STX19: variants seen among roughly 807,000 people sequenced by gnomAD.
STX19 encodes syntaxin-19.
A neutral mutation model predicts 24.3 loss-of-function variants in STX19; 26 were observed. The ratio of observed to expected loss-of-function variants is 1.07; its 90% confidence interval spans 0.78 to 1.48. The LOEUF (loss-of-function observed/expected upper bound fraction) is 1.48. STX19 is among the 40% of genes most tolerant of loss of function. The pLI is 0.00. For synonymous variants in STX19, 116 were observed against 106.9 expected (o/e 1.09, Z -0.52); for missense variants, 367 against 331.9 (o/e 1.11, Z -0.82).
intron 1 of STX19, among the ~76,000 whole-genome samples, chr3:94,026,638 A>G (rs1324446933): frequency 6.6e-6 from 1 of 152,338 alleles, no homozygotes; most frequent in East Asian, 1.9e-4. Context: ...TCATATAAGC[A>G]TAAAATATGA....
At position 94,017,844 on chromosome 3, in the gene STX19, C is replaced by T. The variant is rs1361504668; in HGVS notation, c.-13-2562G>A. Among the ~76,000 whole-genome samples the T allele has an allele frequency of 3.3e-5, 5 of 151,860 alleles. No individual in the cohort carries two copies. In the East Asian group the frequency reaches 9.7e-4, roughly 29 times the overall value. ...GAATGAGACTGATATGTTTTAGGAA[C>T]AGAGTTATTGCATAAGAACAAAGTG... On this transcript the variant is annotated intron_variant, in intron 1 of 1. Transcript: ENST00000315099.
At chr3:94,023,788 G>A (rs996667273) in intron 1 of STX19, among the ~76,000 whole-genome samples, 3 of 151,826 alleles carry the variant, frequency 2.0e-5, no homozygotes, top group African/African-American at 7.3e-5. Context: ...ATCAAATACT[G>A]TATTATGTTA....
At chr3:94,018,418 C>G (rs1332350349) in intron 1 of STX19, among the ~76,000 whole-genome samples, 1 of 152,122 alleles carries the variant, frequency 6.6e-6, no homozygotes, top group Non-Finnish European at 1.5e-5. Context: ...AAAAGTATTT[C>G]TCCTGTTTTT....
rs556745116 is a variant in STX19, at chr3:94,014,947, C to G, written c.323G>C (p.Ser108Thr). ...IKIQAEYINR[S>T]LNDLVKEVKK... ...AACTTCTTTAACTAAATCATTCAAACTTCTGTTGATGTATTCTGCCTGAAT... is the reference window on the plus strand; with the variant it reads ...AACTTCTTTAACTAAATCATTCAAAGTTCTGTTGATGTATTCTGCCTGAAT... Residue 108 changes from serine (S) to threonine (T), a missense_variant, in exon 2 of 2, where the codon AGT becomes ACT. Ser to Thr is a moderately conservative substitution (Grantham distance 58). Coordinates refer to ENST00000315099, the MANE Select transcript of STX19 (RefSeq NM_001001850.3). The G allele has an allele frequency of 6.2e-7, 1 of 1,613,800 alleles. No homozygotes were observed. Among genetic ancestry groups the G allele is most frequent in the African/African-American group, 1.3e-5 (1 of 74,918 alleles).
At chr3:94,022,200 T>C (rs2076463116) in intron 1 of STX19, among the ~76,000 whole-genome samples, 1 of 152,144 alleles carries the variant, frequency 6.6e-6, no homozygotes, top group African/African-American at 2.4e-5. Flanking sequence ...CTCAGTTCAC[T>C]GCAACCTCCT....
chr3:94,027,558 C>T (rs1375151007), intron 1 of STX19, among the ~76,000 whole-genome samples: 12 of 151,810 alleles, frequency 7.9e-5, no homozygotes, highest in East Asian at 1.9e-4. Flanking sequence ...ATAATGTGTT[C>T]GAGGTATTAC....
chr3:94,021,247 G>T (rs905866940), intron 1 of STX19, among the ~76,000 whole-genome samples: 5 of 151,036 alleles, frequency 3.3e-5, no homozygotes, highest in African/African-American at 1.2e-4. Context: ...AGGCTGGAGT[G>T]CAGTGTCATG....
chr3:94,014,758 T>C lies in STX19; in HGVS notation c.512A>G (p.Glu171Gly). 1 of 1,613,604 alleles carries C rather than the reference T, an allele frequency of 6.2e-7. No individual in the cohort carries two copies. The highest frequency in any genetic ancestry group is 8.5e-7 in the Non-Finnish European group (1 of 1,179,838). The part of the protein sequence containing the change: ...KCKTFILRQL[E>G]VAGKEMSEED... ...TTCAGACATCTCTTTTCCAGCAACT[T>C]CAAGCTGACGTAAAATAAATGTCTT... Residue 171 changes from glutamate to glycine, a missense_variant, in exon 2 of 2, where the codon GAA becomes GGA. Transcript: ENST00000315099.
chr3:94,016,838 G>A (rs1316409254), intron 1 of STX19, among the ~76,000 whole-genome samples: 2 of 151,952 alleles, frequency 1.3e-5, no homozygotes, highest in Admixed American at 1.3e-4. Context: ...GTAGAGACAG[G>A]GTTTCACCAT....
chr3:94,026,553 A>G (rs1453528393), intron 1 of STX19, among the ~76,000 whole-genome samples: 1 of 152,180 alleles, frequency 6.6e-6, no homozygotes, highest in African/African-American at 2.4e-5. Context: ...TTGATCTTAT[A>G]TCTTCATGAA....
intron 1 of STX19, among the ~76,000 whole-genome samples, chr3:94,020,852 A>G (rs1411513466): frequency 6.6e-6 from 1 of 152,142 alleles, no homozygotes. Flanking sequence ...CTGATTTGCT[A>G]TAGTAAAGGT....
At chr3:94,027,667 A>G (rs1363625621) in intron 1 of STX19, among the ~76,000 whole-genome samples, 1 of 152,104 alleles carries the variant, frequency 6.6e-6, no homozygotes, top group Non-Finnish European at 1.5e-5. Flanking sequence ...AGTAACAATT[A>G]TAACTTTGAA....
chr3:94,014,890 G>T lies in STX19; in HGVS notation c.380C>A (p.Ser127Ter). Residue 127 changes from serine (S) to a stop codon, truncating the protein, a stop_gained, in exon 2 of 2, where the codon TCA becomes TAA. Transcript: ENST00000315099. LOFTEE classifies it high-confidence loss of function. ...AGATTTAAGTATCCTTGTGACCACT[G>T]AAGATGGACCATTTTCAACCTCTGA... Reference protein sequence around the residue: ...KKSEVENGPSSVVTRILKSQH... With the variant: ...KKSEVENGPS 1.2e-6 allele frequency: 2 copies of T among 1,613,740 alleles called. No individual in the cohort carries two copies. The highest frequency in any genetic ancestry group is 1.7e-6 in the Non-Finnish European group (2 of 1,179,916).
chr3:94,027,370 A>G (rs946572812), intron 1 of STX19, among the ~76,000 whole-genome samples: 11 of 152,162 alleles, frequency 7.2e-5, no homozygotes, highest in African/African-American at 2.2e-4. Flanking sequence ...TAAACTTTCA[A>G]TGCTTTTTTC....
rs766350642 is a variant in STX19 at position 94,014,859 on chromosome 3, A to G, written c.411T>C (p.His137=). 6 of 1,614,002 alleles carry G rather than the reference A, an allele frequency of 3.7e-6. No individual in the cohort carries two copies. The highest frequency in any genetic ancestry group is 1.7e-6 in the Non-Finnish European group (2 of 1,179,990). ...GCTGAAAATGGCGGAACATTGCAGC[A>G]TGCTGAGATTTAAGTATCCTTGTGA... is the stretch of plus-strand genomic sequence containing the variant. ...SVVTRILKSQ[H]AAMFRHFQQI... is the part of the protein sequence containing the mutation. The change falls in exon 2 of 2, where the codon CAT becomes CAC. Residue 137 remains histidine (H), a synonymous_variant. Transcript: ENST00000315099.
chr3:94,020,057 T>C (rs1475356591), intron 1 of STX19, among the ~76,000 whole-genome samples: 1 of 152,198 alleles, frequency 6.6e-6, no homozygotes, highest in Non-Finnish European at 1.5e-5. Flanking sequence ...ATTTTACTTA[T>C]TTATATTAAC....
chr3:94,016,878 C>T (rs186114405), intron 1 of STX19, among the ~76,000 whole-genome samples: 3 of 152,256 alleles, frequency 2.0e-5, no homozygotes, highest in African/African-American at 7.2e-5. Context: ...AACTCCTGAC[C>T]TCGTGATCCG....
At chr3:94,027,055 A>G (rs774506426) in intron 1 of STX19, among the ~76,000 whole-genome samples, 1 of 152,078 alleles carries the variant, frequency 6.6e-6, no homozygotes, top group African/African-American at 2.4e-5. Flanking sequence ...ATAGATACTT[A>G]GTGTATTTAT....
At chr3:94,026,061 C>T (rs2076550535) in intron 1 of STX19, among the ~76,000 whole-genome samples, 2 of 151,252 alleles carry the variant, frequency 1.3e-5, no homozygotes, top group South Asian at 2.1e-4. Context: ...TCTCTGTCGC[C>T]CAGGCTGGAG....
Sources: allele counts gnomAD v4.1 joint callset (sites outside exome capture counted in the v4.1 genomes callset), GRCh38; gene constraint gnomAD v4.1.1; transcripts MANE v1.5; gene names NCBI Gene and HGNC (gene_info 2026-07-23, HGNC 2026-07-21).